Variants in ACSS3 observed in about 807,000 individuals in gnomAD.
ACSS3 encodes the protein acyl-CoA synthetase short chain family member 3, also known as acyl-CoA synthetase short-chain family member 3, mitochondrial.
In ACSS3, 64 loss-of-function variants were observed where a neutral mutation model predicts 84.2. The observed-to-expected ratio is 0.76, with a 90% CI of 0.62 to 0.94. The LOEUF (loss-of-function observed/expected upper bound fraction) is 0.94, where lower values mean the gene tolerates loss of function less well. Among genes scored for constraint, ACSS3 ranks in the 40% least tolerant of loss-of-function variants. ACSS3 has a pLI of 0.00. For synonymous variants in ACSS3, 317 were observed against 310.1 expected (o/e 1.02, Z -0.23); for missense variants, 815 against 867.6 (o/e 0.94, Z 0.76).
intron 8 of ACSS3, among the ~76,000 whole-genome samples, chr12:81,198,691 C>T (rs185837896): frequency 6.1e-4 from 92 of 151,830 alleles, no homozygotes; most frequent in Middle Eastern, 3.5e-3. Flanking sequence ...TTCTGCGATA[C>T]AGTGCTTTCT....
chr12:81,247,115 T>A (rs921217535), intron 13 of ACSS3, among the ~76,000 whole-genome samples: 3 of 150,638 alleles, frequency 2.0e-5, no homozygotes, highest in South Asian at 2.2e-4. Flanking sequence ...ATCTTGTTTT[T>A]AAACGACTCT....
intron 3 of ACSS3, among the ~76,000 whole-genome samples, chr12:81,138,882 C>T (rs577988760): frequency 1.1e-4 from 16 of 152,134 alleles, no homozygotes; most frequent in East Asian, 1.9e-4. Flanking sequence ...GGGATTTATA[C>T]ATTTCATACA....
chr12:81,213,901 T>TCCTTCC (rs1565724047), intron 9 of ACSS3, among the ~76,000 whole-genome samples: 18 of 72,480 alleles, frequency 2.5e-4, no homozygotes, highest in Non-Finnish European at 3.7e-4. Flanking sequence ...TTCTTTCTTT[T>TCCTTCC]GTCCTTCCTT....
intron 5 of ACSS3, among the ~76,000 whole-genome samples, chr12:81,147,974 CAT>C (rs759939417): frequency 6.6e-6 from 1 of 151,342 alleles, no homozygotes; most frequent in African/African-American, 2.4e-5. Flanking sequence ...CATATGTTTA[CAT>C]GTGTGTATGT....
At chr12:81,122,265 C>T (rs1469327845) in intron 2 of ACSS3, among the ~76,000 whole-genome samples, 1 of 151,820 alleles carries the variant, frequency 6.6e-6, no homozygotes, top group Non-Finnish European at 1.5e-5. Context: ...AAAATGAAAA[C>T]ACAACGTTAA....
At position 81,226,934 on chromosome 12, in the gene ACSS3, G is replaced by T. The variant is rs899247741; in HGVS notation, c.1515-4123G>T. On this transcript the variant is annotated intron_variant, in intron 11 of 15. Coordinates refer to ENST00000548058, the MANE Select transcript of ACSS3 (RefSeq NM_024560.4). Reference sequence around the variant, plus strand: ...AACATGTCCCATTGTACTAGTCAGGGTTCTCCGAAGAAATAGAACCAATAG... The same window carrying T: ...AACATGTCCCATTGTACTAGTCAGGTTTCTCCGAAGAAATAGAACCAATAG... 2.0e-5 allele frequency among the ~76,000 whole-genome samples: 3 copies of T among 151,402 alleles called. No homozygotes were observed. In the East Asian group the frequency reaches 5.9e-4, roughly 30 times the overall value.
intron 1 of ACSS3, among the ~76,000 whole-genome samples, chr12:81,084,637 A>G (rs1881199707): frequency 2.0e-5 from 3 of 152,114 alleles, no homozygotes; most frequent in Admixed American, 1.3e-4. Flanking sequence ...GAAGAGGAAA[A>G]TAGTAAGGAC....
intron 1 of ACSS3, among the ~76,000 whole-genome samples, chr12:81,092,095 C>T (rs1881705575): frequency 6.6e-6 from 1 of 152,058 alleles, no homozygotes; most frequent in South Asian, 2.1e-4. Context: ...TAAATATATA[C>T]ATACACATAT....
chr12:81,144,903 C>CTTTTT (rs1292727483), intron 5 of ACSS3, among the ~76,000 whole-genome samples: 6 of 116,976 alleles, frequency 5.1e-5, no homozygotes, highest in African/African-American at 9.9e-5. Context: ...TTTTTCTTTT[C>CTTTTT]TTTTTTTTTT....
chr12:81,224,574 ATGTGTGT>A (rs2033210852), intron 11 of ACSS3, among the ~76,000 whole-genome samples: 18 of 71,938 alleles, frequency 2.5e-4, no homozygotes, highest in Non-Finnish European at 3.2e-4. Flanking sequence ...ACACACACAC[ATGTGTGT>A]GTGTGTGTGT....
intron 13 of ACSS3, among the ~76,000 whole-genome samples, chr12:81,246,363 C>T (rs1417435608): frequency 2.0e-5 from 3 of 152,178 alleles, no homozygotes; most frequent in Non-Finnish European, 2.9e-5. Flanking sequence ...TATGACTCCC[C>T]TACTTGTTTT....
chr12:81,218,448 A>G (rs2135945710), intron 10 of ACSS3, among the ~76,000 whole-genome samples: 1 of 152,330 alleles, frequency 6.6e-6, no homozygotes, highest in South Asian at 2.1e-4. Context: ...TTTCCCTTCT[A>G]GGACAATGGC....
intron 13 of ACSS3, among the ~76,000 whole-genome samples, chr12:81,246,761 A>G (rs899743264): frequency 6.6e-6 from 1 of 152,218 alleles, no homozygotes; most frequent in Non-Finnish European, 1.5e-5. Flanking sequence ...CACTGTGATC[A>G]GAGTATGCAG....
chr12:81,148,497 A>C (rs1886450374), intron 5 of ACSS3, among the ~76,000 whole-genome samples: 1 of 152,124 alleles, frequency 6.6e-6, no homozygotes, highest in South Asian at 2.1e-4. Flanking sequence ...TTTTTTAAAC[A>C]CCATAAACAT....
chr12:81,259,821 T>A lies in ACSS3; in HGVS notation c.*4899T>A. The A allele has an allele frequency of 2.1e-6, 1 of 482,212 alleles. No individual in the cohort carries two copies. Among genetic ancestry groups the A allele is most frequent in the Non-Finnish European group, 3.5e-6 (1 of 283,122 alleles). The allele number at this position is 482,212 out of a possible 1,614,324, so 29.9% of individuals were successfully genotyped here. On this transcript the variant is annotated 3_prime_UTR_variant, in exon 16 of 16. Transcript: ENST00000548058. ...GATGTAGCCAACAGCCGTATGTAAT[T>A]AACATTTGCTTTTCTCCAATTTGGT...
At chr12:81,252,996 A>T (rs2034199676) in intron 13 of ACSS3, among the ~76,000 whole-genome samples, 1 of 152,190 alleles carries the variant, frequency 6.6e-6, no homozygotes, top group Non-Finnish European at 1.5e-5. Flanking sequence ...ATTTTCTCTG[A>T]CTTCATTAAT....
chr12:81,146,972 C>G, intron 5 of ACSS3, among the ~76,000 whole-genome samples: 1 of 151,896 alleles, frequency 6.6e-6, no homozygotes, highest in Non-Finnish European at 1.5e-5. Flanking sequence ...GGCCTTTTGT[C>G]CTGATGGGCA....
intron 1 of ACSS3, among the ~76,000 whole-genome samples, chr12:81,085,422 A>G (rs1038213161): frequency 6.6e-6 from 1 of 152,228 alleles, no homozygotes; most frequent in African/African-American, 2.4e-5. Flanking sequence ...TGAACTATCA[A>G]CTATACAGTA....
chr12:81,247,351 AAG>A (rs2034015231), intron 13 of ACSS3, among the ~76,000 whole-genome samples: 1 of 152,152 alleles, frequency 6.6e-6, no homozygotes, highest in Non-Finnish European at 1.5e-5. Context: ...TTAGAATGAA[AAG>A]AGGAGTATCA....
Sources: allele counts gnomAD v4.1 joint callset (sites outside exome capture counted in the v4.1 genomes callset), GRCh38; gene constraint gnomAD v4.1.1; transcripts MANE v1.5; gene names NCBI Gene and HGNC (gene_info 2026-07-23, HGNC 2026-07-21).